OSBPL10: variants seen among roughly 807,000 people sequenced by gnomAD.
The protein encoded by OSBPL10 is oxysterol-binding protein-related protein 10.
OSBPL10 carries 49 observed loss-of-function variants against 81.7 expected under a neutral mutation model. The ratio of observed to expected loss-of-function variants is 0.60; its 90% CI spans 0.48 to 0.76. The LOEUF (loss-of-function observed/expected upper bound fraction) is 0.76. OSBPL10 is among the 30% of genes least tolerant of loss of function. The pLI is 0.00. For missense variants in OSBPL10, 923 were observed against 987.8 expected (o/e 0.93, Z 0.88); for synonymous variants, 419 against 383.6 (o/e 1.09, Z -1.08).
intron 7 of OSBPL10, among the ~76,000 whole-genome samples, chr3:31,695,873 AAGGT>A (rs149696504): frequency 0.011 from 1,740 of 152,248 alleles, 18 homozygotes; most frequent in East Asian, 0.035. Context: ...GTCCAGAGAG[AAGGT>A]TCACTTGATA....
In OSBPL10 at chr3:31,963,485, G is replaced by A. The variant is rs973444883; in HGVS notation, c.281+17414C>T. Among the ~76,000 whole-genome samples the A allele has an allele frequency of 3.3e-5, 5 of 152,194 alleles. No individual in the cohort carries two copies. In the South Asian group the frequency reaches 8.3e-4, roughly 25 times the overall value. On this transcript the variant is annotated intron_variant, in intron 1 of 11. Coordinates refer to ENST00000396556, the MANE Select transcript of OSBPL10 (RefSeq NM_017784.5). The stretch of plus-strand genomic sequence containing the variant: ...GCTGCCAGTTCTTCAAATGATGACA[G>A]CAGGAGTGATGCACAGATTCTAAAA...
intron 2 of OSBPL10, 41 bp from the exon 3 acceptor site, chr3:31,876,553 T>C (rs1433555192): frequency 1.9e-6 from 3 of 1,553,772 alleles, no homozygotes; most frequent in Non-Finnish European, 2.7e-6. Context: ...TTGCAGAGAT[T>C]GTTCCAAAAC....
chr3:31,935,626 C>G (rs369488517), intron 1 of OSBPL10, among the ~76,000 whole-genome samples: 1 of 151,440 alleles, frequency 6.6e-6, no homozygotes, highest in Admixed American at 6.6e-5. Context: ...TGGGTTCAAG[C>G]GATTCTCCTG....
chr3:31,662,160 A>C lies in OSBPL10; in HGVS notation c.2251-44T>G, dbSNP rs1700085482. 5 of 1,613,066 alleles carry C rather than the reference A, an allele frequency of 3.1e-6. No individual in the cohort carries two copies. In the Admixed American group the frequency reaches 5.0e-5, roughly 16 times the overall value. ...GGCATTATTACATGGAGACCTCTCA[A>C]CAGGGAAAAGGGGAAGCAAGGATAA... On this transcript the variant is annotated intron_variant, in intron 11 of 11. Transcript: ENST00000396556.
At chr3:31,762,751 G>A (rs1025787005) in intron 4 of OSBPL10, among the ~76,000 whole-genome samples, 5 of 149,600 alleles carry the variant, frequency 3.3e-5, no homozygotes, top group African/African-American at 1.2e-4. Context: ...TTACAGACAT[G>A]AGCCACTGCA....
chr3:31,815,128 A>G (rs984357659), intron 4 of OSBPL10, among the ~76,000 whole-genome samples: 6 of 150,872 alleles, frequency 4.0e-5, no homozygotes, highest in African/African-American at 1.5e-4. Context: ...CCCTGAGACC[A>G]CATGAACACA....
chr3:31,749,697 C>T (rs1697653433), intron 4 of OSBPL10, among the ~76,000 whole-genome samples: 1 of 151,998 alleles, frequency 6.6e-6, no homozygotes, highest in East Asian at 1.9e-4. Flanking sequence ...CGCCTGTAGT[C>T]CCAGCTACTC....
chr3:31,944,356 T>G (rs1697634010), intron 1 of OSBPL10, among the ~76,000 whole-genome samples: 1 of 152,172 alleles, frequency 6.6e-6, no homozygotes, highest in Non-Finnish European at 1.5e-5. Flanking sequence ...AAGAACAGCT[T>G]CCAAACTGGT....
At chr3:31,872,857 C>T (rs1701366054) in intron 3 of OSBPL10, among the ~76,000 whole-genome samples, 3 of 152,138 alleles carry the variant, frequency 2.0e-5, no homozygotes, top group Admixed American at 6.5e-5. Flanking sequence ...CTCCCAGACT[C>T]GAGCAATCTG....
chr3:31,956,711 A>G (rs1698018879), intron 1 of OSBPL10, among the ~76,000 whole-genome samples: 1 of 150,144 alleles, frequency 6.7e-6, no homozygotes, highest in African/African-American at 2.5e-5. Flanking sequence ...CTGGGCGACA[A>G]GAGCGAAACT....
chr3:32,033,801 G>C (rs1294256766), intron 2 of OSBPL10, among the ~76,000 whole-genome samples: 1 of 152,202 alleles, frequency 6.6e-6, no homozygotes, highest in African/African-American at 2.4e-5. Context: ...AGTGGCTCAT[G>C]CCTGTGATCC....
upstream of OSBPL10, chr3:31,981,288 A>G: frequency 2.3e-6 from 3 of 1,287,100 alleles, no homozygotes; most frequent in Non-Finnish European, 2.9e-6. This position sits in a 1 kb window ranked among gnomAD's most constrained non-coding sequence, Gnocchi z 4.5. Context: ...GCCTGCTCCA[A>G]ATCCCCGGGA....
chr3:31,769,402 G>A (rs1270967381), intron 4 of OSBPL10, among the ~76,000 whole-genome samples: 3 of 118,938 alleles, frequency 2.5e-5, no homozygotes, highest in African/African-American at 3.0e-5. Flanking sequence ...CCGAGATCAC[G>A]CCACTGCACT....
At chr3:31,988,245 C>T (rs997538613) in intron 2 of OSBPL10, among the ~76,000 whole-genome samples, 1 of 152,134 alleles carries the variant, frequency 6.6e-6, no homozygotes, top group African/African-American at 2.4e-5. Flanking sequence ...ATCAGAGGAA[C>T]GGCACTTACG....
intron 3 of OSBPL10, among the ~76,000 whole-genome samples, chr3:31,862,755 G>C (rs1012128524): frequency 2.6e-5 from 4 of 152,142 alleles, no homozygotes; most frequent in African/African-American, 9.7e-5. Context: ...CACTAGTATG[G>C]CTGCTATACT....
chr3:31,719,180 G>A (rs1193780414), intron 6 of OSBPL10, among the ~76,000 whole-genome samples: 2 of 152,092 alleles, frequency 1.3e-5, no homozygotes, highest in Non-Finnish European at 2.9e-5. Flanking sequence ...GGATGTAAGG[G>A]GAATCTGACT....
intron 3 of OSBPL10, among the ~76,000 whole-genome samples, chr3:31,842,363 A>T (rs953959073): frequency 6.6e-6 from 1 of 152,218 alleles, no homozygotes; most frequent in African/African-American, 2.4e-5. Context: ...TCAATTCACC[A>T]GTGCAAATAC....
chr3:31,802,968 CTTTT>C (rs376218656), intron 4 of OSBPL10, among the ~76,000 whole-genome samples: 41,534 of 129,718 alleles, frequency 0.32, 6,959 homozygotes, highest in East Asian at 0.57. Context: ...GTATTGGGTC[CTTTT>C]TTTTTTTTTT....
chr3:31,697,903 C>T (rs1010175087), intron 7 of OSBPL10, among the ~76,000 whole-genome samples: 7 of 152,042 alleles, frequency 4.6e-5, no homozygotes, highest in Non-Finnish European at 8.8e-5. Context: ...GCTGGGATTA[C>T]AGGCACCCAC....
Sources: allele counts gnomAD v4.1 joint callset (sites outside exome capture counted in the v4.1 genomes callset), GRCh38; gene constraint gnomAD v4.1.1; non-coding constraint Gnocchi (gnomAD v3.1); transcripts MANE v1.5; gene names NCBI Gene and HGNC (gene_info 2026-07-23, HGNC 2026-07-21).